The following PPFIA1 variants were observed in gnomAD, a reference collection of about 807,000 sequenced individuals.
PPFIA1 encodes liprin-alpha-1.
Under a neutral mutation model 149.9 loss-of-function variants are expected in PPFIA1, and 25 were observed. That is an observed-to-expected ratio of 0.17 (90% CI 0.12 to 0.23). The LOEUF is 0.23. Among genes scored for constraint, PPFIA1 ranks in the 10% least tolerant of loss-of-function variants. PPFIA1 has a pLI of 1.00. For synonymous variants in PPFIA1, 549 were observed against 552.8 expected, an observed-to-expected ratio of 0.99 and a Z score of 0.10; for missense variants, 1,362 against 1,506.5, an observed-to-expected ratio of 0.90 and a Z score of 1.59.
chr11:70,368,544 A>C (rs2057071356), intron 21 of PPFIA1, among the ~76,000 whole-genome samples: 1 of 152,236 alleles, frequency 6.6e-6, no homozygotes, highest in Non-Finnish European at 1.5e-5. Context: ...GTGTGTGTAT[A>C]GAATGTGTTA....
intron 23 of PPFIA1, chr11:70,374,256 C>T (rs1187213670): frequency 1.3e-5 from 2 of 152,190 alleles, no homozygotes; most frequent in African/African-American, 4.8e-5. Context: ...AGTTCCAGCT[C>T]CTCAGGAGGC....
At chr11:70,284,962 A>T (rs1352157210) in intron 2 of PPFIA1, among the ~76,000 whole-genome samples, 1 of 151,660 alleles carries the variant, frequency 6.6e-6, no homozygotes, top group Non-Finnish European at 1.5e-5. Flanking sequence ...CAGGGGAGGG[A>T]ATGATGTGAT....
intron 26 of PPFIA1, chr11:70,378,453 G>T (rs946698707): frequency 2.3e-5 from 28 of 1,197,458 alleles, no homozygotes; most frequent in Non-Finnish European, 2.8e-5. Flanking sequence ...CTCAGTATTC[G>T]TCTGTGTTCT....
chr11:70,351,085 C>A, intron 16 of PPFIA1: 1 of 898,628 alleles, frequency 1.1e-6, no homozygotes. Flanking sequence ...GAGTACCTAT[C>A]ATATTTTCCA....
chr11:70,316,333 A>G (rs907163563), intron 2 of PPFIA1, among the ~76,000 whole-genome samples: 3 of 152,212 alleles, frequency 2.0e-5, no homozygotes, highest in African/African-American at 7.2e-5. Flanking sequence ...TGGCCTCCCA[A>G]TGTGCTGGGA....
chr11:70,336,465 G>A (rs1027656242), intron 11 of PPFIA1, among the ~76,000 whole-genome samples: 1 of 145,772 alleles, frequency 6.9e-6, no homozygotes, highest in South Asian at 2.1e-4. Context: ...TTGCGCCACT[G>A]TACTTCATTC....
chr11:70,312,425 A>G (rs1376523326), intron 2 of PPFIA1, among the ~76,000 whole-genome samples: 2 of 152,288 alleles, frequency 1.3e-5, no homozygotes, highest in Non-Finnish European at 2.9e-5. Flanking sequence ...TCCTGGCCTC[A>G]AATGATCCTC....
chr11:70,351,325 A>G (rs72947077), intron 16 of PPFIA1, among the ~76,000 whole-genome samples: 19,122 of 152,218 alleles, frequency 0.13, 1,309 homozygotes, highest in Admixed American at 0.18. Flanking sequence ...AGAAATTACT[A>G]GTGCAAAGCT....
chr11:70,315,336 G>A (rs776173569), intron 2 of PPFIA1, among the ~76,000 whole-genome samples: 1 of 152,038 alleles, frequency 6.6e-6, no homozygotes, highest in African/African-American at 2.4e-5. Context: ...TTCTTTTCTA[G>A]TGTCCTCCTG....
chr11:70,382,618 G>T (rs2057753765), intron 27 of PPFIA1, among the ~76,000 whole-genome samples: 1 of 152,190 alleles, frequency 6.6e-6, no homozygotes, highest in Non-Finnish European at 1.5e-5. Context: ...TACTAAGTGT[G>T]ACACTAATAG....
At chr11:70,378,313 G>A (rs117054373) in intron 26 of PPFIA1, 118 bp downstream of exon 26, 19,302 of 1,379,876 alleles carry the variant, frequency 0.014, 155 homozygotes, top group Non-Finnish European at 0.016. Context: ...CTTGAGTATG[G>A]TTGCATGTCC....
intron 2 of PPFIA1, among the ~76,000 whole-genome samples, chr11:70,324,014 G>A (rs994945648): frequency 3.9e-5 from 6 of 152,192 alleles, no homozygotes; most frequent in African/African-American, 1.4e-4. Flanking sequence ...GGCCTTCTAG[G>A]CCATCTTTCC....
intron 2 of PPFIA1, among the ~76,000 whole-genome samples, chr11:70,281,353 T>C (rs564996189): frequency 6.6e-6 from 1 of 152,316 alleles, no homozygotes; most frequent in Non-Finnish European, 1.5e-5. Context: ...CAGTTGAAGC[T>C]GCCTTCCCCC....
At chr11:70,357,535 C>T (rs1555117708) in intron 19 of PPFIA1, among the ~76,000 whole-genome samples, 1 of 151,974 alleles carries the variant, frequency 6.6e-6, no homozygotes, top group Non-Finnish European at 1.5e-5. Flanking sequence ...TTATAGAAAC[C>T]ACGTAACAGC....
rs972944266 is a variant in PPFIA1, at chr11:70,326,730, C to G, written c.842C>G (p.Thr281Arg). ...CTGGCTTCCCTTTCCAGTCATGTGACAGAACTGGAAGAGGATCTGGACACG... is the reference window on the plus strand; with the variant it reads ...CTGGCTTCCCTTTCCAGTCATGTGAGAGAACTGGAAGAGGATCTGGACACG... Reference protein sequence around the residue: ...ERLASLSSHVTELEEDLDTAR... With the variant: ...ERLASLSSHVRELEEDLDTAR... Residue 281 changes from threonine (T) to arginine (R), a missense_variant, in exon 7 of 28, where the codon ACA becomes AGA. This residue lies in a region of PPFIA1 where 733 missense variants were observed against 744.1 expected (regional missense o/e 0.99). Coordinates refer to ENST00000253925, the MANE Select transcript of PPFIA1 (RefSeq NM_003626.5). 6.2e-7 allele frequency: 1 copy of G among 1,613,912 alleles called. No individual in the cohort carries two copies. The highest frequency in any genetic ancestry group is 1.7e-5 in the Admixed American group (1 of 59,984).
Position 70,365,903 on chromosome 11 carries a change from A to G in PPFIA1, c.2865+3415A>G, listed in dbSNP as rs546429163. ...CATTACCGAGCTCACCAATACTAAT[A>G]GTTATGTTCTTTTGCATTCCTAACC... On this transcript the variant is annotated intron_variant, in intron 21 of 27. Coordinates refer to ENST00000253925, the MANE Select transcript of PPFIA1 (RefSeq NM_003626.5). 1.3e-4 allele frequency: 59 copies of G among 456,136 alleles called. 1 individual carries two copies. The highest frequency in any genetic ancestry group is 9.2e-4 in the South Asian group (59 of 64,420). The allele number at this position is 456,136 out of a possible 1,614,324, so 28.3% of individuals were successfully genotyped here.
intron 2 of PPFIA1, among the ~76,000 whole-genome samples, chr11:70,290,783 A>G (rs2051471297): frequency 6.6e-6 from 1 of 152,238 alleles, no homozygotes; most frequent in African/African-American, 2.4e-5. Flanking sequence ...GCCAGTACTA[A>G]TATAAAAATT....
rs550806591 is a variant in PPFIA1, at chr11:70,374,811, C to T, written c.3140-107C>T. 1.9e-5 allele frequency: 20 copies of T among 1,044,576 alleles called. No individual in the cohort carries two copies. In the African/African-American group the frequency reaches 2.6e-4, roughly 14 times the overall value. The allele number at this position is 1,044,576 out of a possible 1,614,324, so 64.7% of individuals were successfully genotyped here. ...GTCTCCCAGCACTTTTCTCAGGAGC[C>T]GAAGGATTAGGAACCATGGTAGGAA... is the stretch of plus-strand genomic sequence containing the variant. On this transcript the variant is annotated intron_variant, in intron 23 of 27. Transcript: ENST00000253925.
rs765222959 is a variant in PPFIA1, at chr11:70,326,778, C to T, written c.890C>T (p.Ser297Phe). ...ACGGCTAGAAAAGATCTCATCAAAT[C>T]TGAAGAAATGAACACAAAATTGCAA... ...LDTARKDLIK[S>F]EEMNTKLQRD... is the part of the protein sequence containing the mutation. Residue 297 changes from serine to phenylalanine, a missense_variant, in exon 7 of 28, where the codon TCT (serine) becomes TTT (phenylalanine). Transcript: ENST00000253925. 1 of 1,614,126 alleles carries T rather than the reference C, an allele frequency of 6.2e-7. No homozygotes were observed. The highest frequency in any genetic ancestry group is 1.1e-5 in the South Asian group (1 of 91,082).
Sources: gnomAD v4.1 joint callset for allele counts (sites outside exome capture counted in the v4.1 genomes callset) on GRCh38, gnomAD v4.1.1 for gene constraint, gnomAD v4.1.1 regional missense constraint, MANE v1.5 for transcripts, NCBI Gene and HGNC (gene_info 2026-07-23, HGNC 2026-07-21) for gene names.